The following HS6ST3 variants were observed in gnomAD, a reference collection of about 807,000 sequenced individuals.
HS6ST3 encodes heparan-sulfate 6-O-sulfotransferase 3.
A neutral mutation model predicts 36.7 loss-of-function variants in HS6ST3; 12 were observed. The ratio of observed to expected loss-of-function variants is 0.33; its 90% confidence interval spans 0.21 to 0.53. The LOEUF is 0.53. Ranked by LOEUF, HS6ST3 falls within the 20% of genes least tolerant of loss-of-function variation. The pLI, the probability that HS6ST3 is intolerant of heterozygous loss-of-function variation, is 0.95. For synonymous variants in HS6ST3, 240 were observed against 257.5 expected, an observed-to-expected ratio of 0.93 and a Z score of 0.65; for missense variants, 584 against 640.9, an observed-to-expected ratio of 0.91 and a Z score of 0.96.
At chr13:96,452,013 C>T (rs1159870060) in intron 1 of HS6ST3, among the ~76,000 whole-genome samples, 2 of 152,110 alleles carry the variant, frequency 1.3e-5, no homozygotes, top group African/African-American at 4.8e-5. Context: ...AATAATTTAA[C>T]ATTTTACCAA....
chr13:96,471,990 G>A (rs1247871863), intron 1 of HS6ST3, among the ~76,000 whole-genome samples: 1 of 152,114 alleles, frequency 6.6e-6, no homozygotes, highest in Admixed American at 6.5e-5. Flanking sequence ...GGCTACCTGG[G>A]GCTTATTCTT....
At chr13:96,603,865 T>C (rs368587495) in intron 1 of HS6ST3, among the ~76,000 whole-genome samples, 5 of 152,326 alleles carry the variant, frequency 3.3e-5, no homozygotes, top group East Asian at 1.9e-4. Flanking sequence ...ATTTTACCCA[T>C]GTGTCTACTT....
rs188902499 is a variant in HS6ST3 at position 96,129,819 on chromosome 13, T to C, written c.707+38250T>C. Among the ~76,000 whole-genome samples, 386 of 152,280 alleles carry C rather than the reference T, an allele frequency of 2.5e-3. 1 individual carries two copies. Among genetic ancestry groups the C allele is most frequent in the African/African-American group, 5.3e-3 (219 of 41,562 alleles). On this transcript the variant is annotated intron_variant, in intron 1 of 1. Transcript: ENST00000376705. ...GGGGAAATTTGAAGACAGACTCACA[T>C]AGAGGGAGATGGGCCTGAAATAAAT... is the stretch of plus-strand genomic sequence containing the variant.
At chr13:96,623,398 G>T (rs558433698) in intron 1 of HS6ST3, among the ~76,000 whole-genome samples, 1 of 151,566 alleles carries the variant, frequency 6.6e-6, no homozygotes, top group African/African-American at 2.4e-5. Flanking sequence ...CTTTGCTTAC[G>T]AACCCAGTTA....
chr13:96,133,141 T>C (rs1418978497), intron 1 of HS6ST3, among the ~76,000 whole-genome samples: 1 of 152,082 alleles, frequency 6.6e-6, no homozygotes, highest in Non-Finnish European at 1.5e-5. Flanking sequence ...ATTATTATTA[T>C]TTTTTGAGAT....
intron 1 of HS6ST3, among the ~76,000 whole-genome samples, chr13:96,775,414 C>A (rs967646816): frequency 2.5e-4 from 38 of 151,282 alleles, no homozygotes; most frequent in African/African-American, 8.6e-4. Context: ...CAAGATCCAT[C>A]GGTGTCTGTA....
intron 1 of HS6ST3, among the ~76,000 whole-genome samples, chr13:96,417,586 A>G (rs1467670229): frequency 1.1e-5 from 1 of 89,498 alleles, no homozygotes; most frequent in Non-Finnish European, 2.3e-5. Context: ...AATAGCATAT[A>G]TATATGTGTG....
chr13:96,753,501 ACTTT>A (rs1163023039), intron 1 of HS6ST3, among the ~76,000 whole-genome samples: 4 of 152,136 alleles, frequency 2.6e-5, no homozygotes, highest in African/African-American at 9.6e-5. Context: ...TGTTAACTAT[ACTTT>A]CTTTATTGTT....
chr13:96,168,371 A>G (rs982695802), intron 1 of HS6ST3, among the ~76,000 whole-genome samples: 2 of 152,176 alleles, frequency 1.3e-5, no homozygotes, highest in Non-Finnish European at 1.5e-5. Context: ...TTTGTTTTAT[A>G]TAGGTTGCCT....
rs1357289880 is a variant in HS6ST3 at position 96,839,303 on chromosome 13, A to C, written c.*6105A>C. ...TATCATTTCAGTGTTGGAAAGAAAAATCTGGATCTTTATGTGGGGACCTAT... is the reference window on the plus strand; with the variant it reads ...TATCATTTCAGTGTTGGAAAGAAAACTCTGGATCTTTATGTGGGGACCTAT... On this transcript the variant is annotated 3_prime_UTR_variant, in exon 2 of 2. Coordinates refer to ENST00000376705, the MANE Select transcript of HS6ST3 (RefSeq NM_153456.4). The C allele has an allele frequency of 3.3e-5, 5 of 152,160 alleles. No individual in the cohort carries two copies. The East Asian group carries it at 9.7e-4, about 29-fold the overall frequency. The allele number at this position is 152,160 out of a possible 1,614,324, so 9.4% of individuals were successfully genotyped here.
intron 1 of HS6ST3, among the ~76,000 whole-genome samples, chr13:96,202,652 C>T (rs2054348711): frequency 6.6e-6 from 1 of 152,170 alleles, no homozygotes; most frequent in Admixed American, 6.6e-5. Flanking sequence ...GTTCGTTTCT[C>T]TCCATCATCT....
chr13:96,249,122 AC>A (rs1383186583), intron 1 of HS6ST3, among the ~76,000 whole-genome samples: 4 of 152,224 alleles, frequency 2.6e-5, no homozygotes, highest in African/African-American at 7.2e-5. Context: ...CTTTGGGGAG[AC>A]AAAGCTGAGT....
chr13:96,231,839 G>T (rs1439169109), intron 1 of HS6ST3, among the ~76,000 whole-genome samples: 2 of 152,176 alleles, frequency 1.3e-5, no homozygotes, highest in South Asian at 2.1e-4. Flanking sequence ...GAGTACATAG[G>T]GGGGTTAACC....
intron 1 of HS6ST3, among the ~76,000 whole-genome samples, chr13:96,515,727 A>G (rs577492617): frequency 2.0e-5 from 3 of 152,098 alleles, no homozygotes; most frequent in Non-Finnish European, 4.4e-5. Flanking sequence ...CATATAAGAC[A>G]TACCTCTTCC....
chr13:96,284,296 G>T (rs1049582280), intron 1 of HS6ST3, among the ~76,000 whole-genome samples: 46 of 152,108 alleles, frequency 3.0e-4, no homozygotes, highest in Non-Finnish European at 5.9e-5. Flanking sequence ...TCCCACAATA[G>T]GCTGTCTGCA....
At chr13:96,661,215 A>G (rs1455713381) in intron 1 of HS6ST3, among the ~76,000 whole-genome samples, 1 of 152,086 alleles carries the variant, frequency 6.6e-6, no homozygotes, top group Non-Finnish European at 1.5e-5. Context: ...TCGAAGATCT[A>G]CCTAATACTG....
At chr13:96,710,704 G>C (rs780640832) in intron 1 of HS6ST3, among the ~76,000 whole-genome samples, 33 of 152,308 alleles carry the variant, frequency 2.2e-4, no homozygotes, top group Middle Eastern at 3.4e-3. Flanking sequence ...CCACTGAACA[G>C]GTGTTGCCTC....
At chr13:96,261,262 A>G (rs986545954) in intron 1 of HS6ST3, among the ~76,000 whole-genome samples, 1 of 149,932 alleles carries the variant, frequency 6.7e-6, no homozygotes, top group African/African-American at 2.4e-5. Context: ...AGTCATGAAT[A>G]TATATATATA....
chr13:96,286,435 C>T (rs2054802913), intron 1 of HS6ST3, among the ~76,000 whole-genome samples: 1 of 152,052 alleles, frequency 6.6e-6, no homozygotes, highest in Non-Finnish European at 1.5e-5. Flanking sequence ...GTTTAACATC[C>T]TGTAAAAATG....
Sources: gnomAD v4.1 joint callset for allele counts (sites outside exome capture counted in the v4.1 genomes callset) on GRCh38, gnomAD v4.1.1 for gene constraint, MANE v1.5 for transcripts, NCBI Gene and HGNC (gene_info 2026-07-23, HGNC 2026-07-21) for gene names.